KAT6B: variants seen among roughly 807,000 people sequenced by gnomAD.
KAT6B encodes the protein histone acetyltransferase KAT6B.
A neutral mutation model predicts 187.5 loss-of-function variants in KAT6B; 10 were observed. The ratio of observed to expected loss-of-function variants is 0.05; its 90% CI spans 0.03 to 0.09. The LOEUF is 0.09. Among genes scored for constraint, KAT6B ranks in the 10% least tolerant of loss-of-function variants. The pLI, the probability that KAT6B is intolerant of heterozygous loss-of-function variation, is 1.00. For synonymous variants in KAT6B, 861 were observed against 926.8 expected (o/e 0.93, Z 1.29); for missense variants, 1,952 against 2,558.9 (o/e 0.76, Z 5.12).
At chr10:74,965,431 G>A (rs1841392090) in intron 4 of KAT6B, among the ~76,000 whole-genome samples, 1 of 152,158 alleles carries the variant, frequency 6.6e-6, no homozygotes, top group Non-Finnish European at 1.5e-5. Context: ...ATCTGGAAGG[G>A]TGGGAACCAT....
chr10:74,996,424 A>C (rs973378158), intron 13 of KAT6B, among the ~76,000 whole-genome samples: 3 of 152,250 alleles, frequency 2.0e-5, no homozygotes, highest in African/African-American at 7.2e-5. Context: ...CAGAAACTCC[A>C]GGTAGATTAA....
At chr10:74,886,087 A>G (rs1845239224) in intron 3 of KAT6B, among the ~76,000 whole-genome samples, 1 of 152,156 alleles carries the variant, frequency 6.6e-6, no homozygotes, top group Non-Finnish European at 1.5e-5. Flanking sequence ...CTGGGTTATC[A>G]TCAGGCTGTA....
At chr10:74,850,099 C>T (rs1032124441) in intron 3 of KAT6B, among the ~76,000 whole-genome samples, 11 of 152,094 alleles carry the variant, frequency 7.2e-5, no homozygotes, top group African/African-American at 1.4e-4. Context: ...CCACCACGCC[C>T]GGCTAATTTT....
intron 7 of KAT6B, 90 bp from the exon 8 acceptor site, chr10:74,975,309 G>C: frequency 9.9e-7 from 1 of 1,012,688 alleles, no homozygotes; most frequent in Non-Finnish European, 1.5e-6. Context: ...TAAGCCCATT[G>C]AATGCATCTA....
At chr10:75,013,885 C>T (rs544816254) in intron 13 of KAT6B, among the ~76,000 whole-genome samples, 2 of 152,252 alleles carry the variant, frequency 1.3e-5, no homozygotes, top group African/African-American at 4.8e-5. Flanking sequence ...CTCCAGAGCC[C>T]ATGCTTTCCA....
At chr10:74,868,642 T>C (rs553791436) in intron 3 of KAT6B, among the ~76,000 whole-genome samples, 14 of 152,346 alleles carry the variant, frequency 9.2e-5, no homozygotes, top group African/African-American at 3.4e-4. Context: ...TAGTCACCTG[T>C]TGGGCCCTAG....
intron 12 of KAT6B, among the ~76,000 whole-genome samples, chr10:74,986,266 G>T (rs1357083534): frequency 6.6e-6 from 1 of 152,134 alleles, no homozygotes; most frequent in Non-Finnish European, 1.5e-5. Flanking sequence ...ACCAGGTAAT[G>T]ACCTTAACTT....
At chr10:74,861,760 A>G (rs1267032321) in intron 3 of KAT6B, among the ~76,000 whole-genome samples, 1 of 152,238 alleles carries the variant, frequency 6.6e-6, no homozygotes, top group Non-Finnish European at 1.5e-5. Flanking sequence ...TTTACTGTTT[A>G]TAATAGACGT....
intron 16 of KAT6B, 33 bp downstream of exon 16, chr10:75,022,264 G>A (rs748336787): frequency 1.5e-5 from 24 of 1,610,892 alleles, no homozygotes; most frequent in East Asian, 2.2e-5. Flanking sequence ...TGTGAGTCGC[G>A]TTCAATCAAA....
intron 3 of KAT6B, among the ~76,000 whole-genome samples, chr10:74,887,017 T>C (rs746825282): frequency 3.9e-5 from 6 of 152,144 alleles, no homozygotes; most frequent in Non-Finnish European, 8.8e-5. Context: ...CCTGATCTCA[T>C]AGTGCAGGTG....
chr10:74,886,063 G>A (rs1444655069), intron 3 of KAT6B, among the ~76,000 whole-genome samples: 1 of 152,132 alleles, frequency 6.6e-6, no homozygotes, highest in Admixed American at 6.6e-5. Context: ...GTAGCTTAGA[G>A]CACAGAATGC....
At chr10:74,929,181 A>G (rs1848697699) in intron 3 of KAT6B, among the ~76,000 whole-genome samples, 1 of 152,172 alleles carries the variant, frequency 6.6e-6, no homozygotes, top group South Asian at 2.1e-4. Context: ...AATGAATTTG[A>G]AAGTAACTAT....
intron 4 of KAT6B, among the ~76,000 whole-genome samples, chr10:74,967,679 G>C (rs986310361): frequency 6.6e-6 from 1 of 152,298 alleles, no homozygotes; most frequent in East Asian, 1.9e-4. Context: ...AGCTTAAATA[G>C]TAGTAGTTGA....
intron 3 of KAT6B, among the ~76,000 whole-genome samples, chr10:74,899,989 A>T (rs1846266243): frequency 6.6e-6 from 1 of 152,222 alleles, no homozygotes; most frequent in South Asian, 2.1e-4. Context: ...ATAGTGTATA[A>T]GTAAGTTCTG....
intron 13 of KAT6B, among the ~76,000 whole-genome samples, chr10:74,999,491 A>T (rs1564614086): frequency 6.6e-6 from 1 of 152,168 alleles, no homozygotes; most frequent in Non-Finnish European, 1.5e-5. Context: ...CATCTAAGGG[A>T]CTAATAAAGA....
intron 3 of KAT6B, among the ~76,000 whole-genome samples, 154 bp downstream of exon 3, chr10:74,843,632 A>G (rs1333439852): frequency 6.6e-6 from 1 of 152,210 alleles, no homozygotes; most frequent in Non-Finnish European, 1.5e-5. Flanking sequence ...AAATGTATAT[A>G]TTGTACTGCA....
intron 13 of KAT6B, among the ~76,000 whole-genome samples, chr10:74,998,096 G>A (rs943311821): frequency 6.9e-6 from 1 of 144,470 alleles, no homozygotes; most frequent in Non-Finnish European, 1.5e-5. Flanking sequence ...AGGTGACAGA[G>A]TGAGACTCCA....
intron 1 of KAT6B, among the ~76,000 whole-genome samples, chr10:74,838,315 A>G (rs1302661864): frequency 2.6e-5 from 4 of 152,134 alleles, no homozygotes; most frequent in African/African-American, 9.7e-5. Flanking sequence ...TTTTTTTCTG[A>G]TAAATGTTAT....
chr10:74,931,516 T>C (rs1359645580), intron 3 of KAT6B, among the ~76,000 whole-genome samples: 2 of 152,190 alleles, frequency 1.3e-5, no homozygotes, highest in African/African-American at 2.4e-5. Flanking sequence ...AAAACCTGAA[T>C]TTTAGTATTA....
Sources: gnomAD v4.1 joint callset for allele counts (sites outside exome capture counted in the v4.1 genomes callset) on GRCh38, gnomAD v4.1.1 for gene constraint, MANE v1.5 for transcripts, NCBI Gene and HGNC (gene_info 2026-07-23, HGNC 2026-07-21) for gene names.